C1orf141: variants seen among roughly 807,000 people sequenced by gnomAD.
C1orf141 encodes the protein chromosome 1 open reading frame 141, also known as uncharacterized protein C1orf141.
Under a neutral mutation model 23.2 loss-of-function variants are expected in C1orf141, and 19 were observed. That is an observed-to-expected ratio of 0.82 (90% CI 0.57 to 1.20). C1orf141 has a LOEUF of 1.20. Ranked by LOEUF, C1orf141 falls within the 50% of genes most tolerant of loss-of-function variation. C1orf141 has a pLI of 0.00. For synonymous variants in C1orf141, 153 were observed against 154.6 expected (o/e 0.99, Z 0.08); for missense variants, 469 against 455.1 (o/e 1.03, Z -0.28).
intron 2 of C1orf141, among the ~76,000 whole-genome samples, chr1:67,127,624 T>C (rs1646440966): frequency 6.6e-6 from 1 of 151,904 alleles, no homozygotes; most frequent in Admixed American, 6.6e-5. Context: ...AAGCTAGGAG[T>C]AGGACTTAAT....
intron 5 of C1orf141, among the ~76,000 whole-genome samples, chr1:67,100,272 C>A (rs1056699742): frequency 6.6e-6 from 1 of 152,118 alleles, no homozygotes; most frequent in African/African-American, 2.4e-5. Context: ...ACTATCTTGT[C>A]TAATGTGGTC....
intron 1 of C1orf141, among the ~76,000 whole-genome samples, chr1:67,132,472 G>A (rs1456920488): frequency 6.6e-6 from 1 of 151,972 alleles, no homozygotes; most frequent in African/African-American, 2.4e-5. Flanking sequence ...GCAGTGAGGT[G>A]TGATCGTGCC....
chr1:67,113,105 A>T (rs1440693165), intron 5 of C1orf141, among the ~76,000 whole-genome samples: 2 of 152,024 alleles, frequency 1.3e-5, no homozygotes, highest in Non-Finnish European at 2.9e-5. Context: ...TCAGCCTCCC[A>T]AGTAGCTGGG....
upstream of C1orf141, among the ~76,000 whole-genome samples, chr1:67,136,783 G>T (rs76912934): frequency 0.031 from 4,767 of 152,162 alleles, 236 homozygotes; most frequent in African/African-American, 0.11. Context: ...GATTTGCCCA[G>T]CATCTTATAA....
At position 67,093,028 on chromosome 1, in the gene C1orf141, TTGA is replaced by T. The variant is rs764506702; in HGVS notation, c.1177_1179del (p.Ser393del). The stretch of plus-strand genomic sequence containing the variant: ...TTTTATGAGGCATTTAAAATTTCAT[TTGA>T]TAAGTTTAACAAATTATCCAGTGGC... On this transcript the variant is annotated inframe_deletion, in exon 8 of 8. Coordinates refer to ENST00000684719, the MANE Select transcript of C1orf141 (RefSeq NM_001276351.2). The T allele has an allele frequency of 6.3e-7, 1 of 1,583,320 alleles. No homozygotes were observed. Among genetic ancestry groups the T allele is most frequent in the East Asian group, 2.2e-5 (1 of 44,520 alleles).
intron 1 of C1orf141, among the ~76,000 whole-genome samples, chr1:67,132,932 G>A (rs1228254552): frequency 6.6e-6 from 1 of 152,120 alleles, no homozygotes; most frequent in Non-Finnish European, 1.5e-5. Flanking sequence ...ATGAAATAGA[G>A]GCCATGCCAA....
At position 67,093,306 on chromosome 1, in the gene C1orf141, G is replaced by C; in HGVS notation, c.902C>G (p.Thr301Ser). ...TTVDDKLKKK[T>S]NKQTLENRSW... ...TCTGTTTTCTAGTGTCTGCTTATTA[G>C]TTTTCTTCTTTAGTTTATCATCTAC... The change falls in exon 8 of 8, where the codon ACT (threonine) becomes AGT (serine). Residue 301 changes from threonine (T) to serine (S), a missense_variant. By Grantham distance (58) the Thr-to-Ser change is moderately conservative (BLOSUM62 1). Around this residue, in one of 3 missense-constraint regions of C1orf141, gnomAD observed 370 missense variants for 348.1 expected, o/e 1.06. Transcript: ENST00000684719. 6.2e-7 allele frequency: 1 copy of C among 1,613,544 alleles called. No homozygotes were observed. The highest frequency in any genetic ancestry group is 1.3e-5 in the African/African-American group (1 of 74,996).
intron 5 of C1orf141, among the ~76,000 whole-genome samples, chr1:67,099,789 T>C (rs1243253693): frequency 2.0e-5 from 3 of 151,990 alleles, no homozygotes; most frequent in Non-Finnish European, 4.4e-5. Context: ...AAGAAATAAA[T>C]AAGTAAACCA....
At chr1:67,132,221 G>A (rs1301003907) in intron 1 of C1orf141, among the ~76,000 whole-genome samples, 1 of 151,962 alleles carries the variant, frequency 6.6e-6, no homozygotes, top group Non-Finnish European at 1.5e-5. Flanking sequence ...ACTACACCAG[G>A]TTTTAAGAGG....
chr1:67,103,247 A>G, intron 5 of C1orf141: 1 of 1,422,940 alleles, frequency 7.0e-7, no homozygotes, highest in Non-Finnish European at 9.4e-7. Flanking sequence ...CCTGTAAATA[A>G]AGTAGAGTCT....
At chr1:67,136,457 T>G (rs1370709121), upstream of C1orf141, among the ~76,000 whole-genome samples, 1 of 152,232 alleles carries the variant, frequency 6.6e-6, no homozygotes, top group Non-Finnish European at 1.5e-5. Flanking sequence ...AAGATTGTTG[T>G]AATACCTTCA....
chr1:67,140,638 TA>T (rs1197208395), intron 1 of C1orf141, among the ~76,000 whole-genome samples: 3 of 152,220 alleles, frequency 2.0e-5, no homozygotes, highest in African/African-American at 7.2e-5. Context: ...TTAAAAAATG[TA>T]TTAATCTTTG....
intron 5 of C1orf141, among the ~76,000 whole-genome samples, chr1:67,102,022 G>A (rs68145903): frequency 0.095 from 14,508 of 152,002 alleles, 742 homozygotes; most frequent in South Asian, 0.12. Flanking sequence ...AAGCAACCGC[G>A]TCCTTCAAAG....
Position 67,093,525 on chromosome 1 carries a change from G to GA in C1orf141, c.682dup (p.Ser228PhefsTer8), listed in dbSNP as rs1285686022. ...GTTTTCATTTTCCAAAGGATGAGAAGAAAATCTATTTTTTGTCAAAAGTAA... is the reference window on the plus strand; with the variant it reads ...GTTTTCATTTTCCAAAGGATGAGAAGAAAAATCTATTTTTTGTCAAAAGTAA... On this transcript the variant is annotated frameshift_variant, in exon 8 of 8. Coordinates refer to ENST00000684719, the MANE Select transcript of C1orf141 (RefSeq NM_001276351.2). LOFTEE classifies it low-confidence loss of function (END_TRUNC). The GA allele has an allele frequency of 3.1e-6, 5 of 1,605,702 alleles. No individual in the cohort carries two copies. The highest frequency in any genetic ancestry group is 4.3e-6 in the Non-Finnish European group (5 of 1,174,678).
intron 4 of C1orf141, among the ~76,000 whole-genome samples, chr1:67,124,580 A>G (rs1189408329): frequency 6.6e-6 from 1 of 152,120 alleles, no homozygotes; most frequent in Non-Finnish European, 1.5e-5. Context: ...CAGCCTCCCA[A>G]TGTGTTAGGA....
At chr1:67,116,817 C>T (rs1646203012) in intron 4 of C1orf141, among the ~76,000 whole-genome samples, 1 of 152,118 alleles carries the variant, frequency 6.6e-6, no homozygotes, top group Non-Finnish European at 1.5e-5. Context: ...TTGACGTGGC[C>T]TACTCTTTCA....
rs1645652759 is a variant in C1orf141 at position 67,095,383 on chromosome 1, T to C, written c.455A>G (p.Glu152Gly). Residue 152 changes from glutamate (E) to glycine (G), a missense_variant, in exon 7 of 8, where the codon GAA becomes GGA. Glu to Gly is a moderately conservative substitution (Grantham distance 98). This residue lies in a region of C1orf141 where 370 missense variants were observed against 348.1 expected (regional missense o/e 1.06). Coordinates refer to ENST00000684719, the MANE Select transcript of C1orf141 (RefSeq NM_001276351.2). The part of the protein sequence containing the change: ...SPQMNDFNIK[E>G]NKSVRNYQLS... ...TTGATAATTTCTGACCGATTTGTTT[T>C]CTTTTATATTAAAATCGTTCATCTG... 1 of 1,562,732 alleles carries C rather than the reference T, an allele frequency of 6.4e-7. No individual in the cohort carries two copies. Among genetic ancestry groups the C allele is most frequent in the African/African-American group, 1.4e-5 (1 of 72,564 alleles).
chr1:67,105,135 C>T (rs1447441835), intron 5 of C1orf141, among the ~76,000 whole-genome samples: 3 of 151,520 alleles, frequency 2.0e-5, no homozygotes, highest in Non-Finnish European at 2.9e-5. Context: ...AAGACCAGCC[C>T]GGCCAACGTG....
chr1:67,118,594 G>T (rs1646242021), intron 4 of C1orf141, among the ~76,000 whole-genome samples: 1 of 152,130 alleles, frequency 6.6e-6, no homozygotes, highest in African/African-American at 2.4e-5. Context: ...GGGAAATGCT[G>T]GGGACTGAAT....
Sources: gnomAD v4.1 joint callset for allele counts (sites outside exome capture counted in the v4.1 genomes callset) on GRCh38, gnomAD v4.1.1 for gene constraint, gnomAD v4.1.1 regional missense constraint, MANE v1.5 for transcripts, NCBI Gene and HGNC (gene_info 2026-07-23, HGNC 2026-07-21) for gene names.